The following CASP14 variants were observed in gnomAD, a reference collection of about 807,000 sequenced individuals.
The protein encoded by CASP14 is caspase-14.
Under a neutral mutation model 28.4 loss-of-function variants are expected in CASP14, and 27 were observed. The ratio of observed to expected loss-of-function variants is 0.95; its 90% confidence interval spans 0.70 to 1.31. The LOEUF is 1.31. CASP14 is among the 50% of genes most tolerant of loss of function. The pLI is 0.00. For missense variants in CASP14, 323 were observed against 312.8 expected (o/e 1.03, Z -0.25); for synonymous variants, 115 against 118.6 (o/e 0.97, Z 0.20).
Position 15,054,133 on chromosome 19 carries a change from C to T in CASP14, c.403+175C>T, listed in dbSNP as rs116233216. 4.6e-3 allele frequency among the ~76,000 whole-genome samples: 706 copies of T among 152,108 alleles called. 9 individuals carry two copies. Among genetic ancestry groups the T allele is most frequent in the African/African-American group, 0.016 (678 of 41,492 alleles). On this transcript the variant is annotated intron_variant, in intron 4 of 6. Transcript: ENST00000427043. ...CTGAGTAGCTGAGACTACAGGCTCC[C>T]GCCACTATGTCAGGCTAATTTTTGT...
chr19:15,052,714 T>G (rs191708243), intron 2 of CASP14, among the ~76,000 whole-genome samples: 2 of 152,270 alleles, frequency 1.3e-5, no homozygotes, highest in East Asian at 3.9e-4. Context: ...GAGGAGGTAA[T>G]AGAGGAATGC....
At chr19:15,050,635 T>C (rs767668120) in intron 1 of CASP14, among the ~76,000 whole-genome samples, 1 of 151,494 alleles carries the variant, frequency 6.6e-6, no homozygotes, top group Admixed American at 6.6e-5. Flanking sequence ...ATAGAATAGA[T>C]GGAGGGATGG....
intron 4 of CASP14, 76 bp downstream of exon 4, chr19:15,054,034 G>A: frequency 8.2e-7 from 1 of 1,219,794 alleles, no homozygotes; most frequent in Non-Finnish European, 1.2e-6. Flanking sequence ...ACCCAGGCTG[G>A]AATGCAGTGG....
At chr19:15,054,628 C>G (rs2145282894) in intron 4 of CASP14, among the ~76,000 whole-genome samples, 1 of 147,240 alleles carries the variant, frequency 6.8e-6, no homozygotes, top group East Asian at 2.0e-4. Flanking sequence ...CATGGCATAC[C>G]ACAAAAGCAT....
chr19:15,058,198 AG>A lies in CASP14; in HGVS notation c.*2111del, dbSNP rs2145286043. On this transcript the variant is annotated 3_prime_UTR_variant, in exon 7 of 7. Coordinates refer to ENST00000427043, the MANE Select transcript of CASP14 (RefSeq NM_012114.3). ...TCTGATTGATCCTTCCCTCTCACCC[AG>A]GATTAGATGCTGGAAATGACCACTT... The A allele has an allele frequency of 6.6e-6, 1 of 152,098 alleles. No individual in the cohort carries two copies. Among genetic ancestry groups the A allele is most frequent in the Non-Finnish European group, 1.5e-5 (1 of 68,014 alleles). The allele number at this position is 152,098 out of a possible 1,614,324, so 9.4% of individuals were successfully genotyped here.
intron 2 of CASP14, among the ~76,000 whole-genome samples, chr19:15,052,955 C>T (rs2046097842): frequency 6.6e-6 from 1 of 152,172 alleles, no homozygotes; most frequent in Non-Finnish European, 1.5e-5. Flanking sequence ...ATTTGAATTT[C>T]ACATCAACAA....
At chr19:15,050,631 T>C (rs2046086074) in intron 1 of CASP14, among the ~76,000 whole-genome samples, 2 of 151,126 alleles carry the variant, frequency 1.3e-5, no homozygotes, top group African/African-American at 4.9e-5. Context: ...GAAGATAGAA[T>C]AGATGGAGGG....
chr19:15,052,812 A>G (rs2046097009), intron 2 of CASP14, among the ~76,000 whole-genome samples: 1 of 149,088 alleles, frequency 6.7e-6, no homozygotes, highest in Non-Finnish European at 1.5e-5. Flanking sequence ...ACACACACTC[A>G]TTGTCTATAT....
rs1319150657 is a variant in CASP14, at chr19:15,056,935, G to A, written c.*846G>A. ...TGCAATACAGTAAGACAGAGGCAAGGACAAGGTTTGACTTCCAGCCCAGCC... is the reference window on the plus strand; with the variant it reads ...TGCAATACAGTAAGACAGAGGCAAGAACAAGGTTTGACTTCCAGCCCAGCC... On this transcript the variant is annotated 3_prime_UTR_variant, in exon 7 of 7. Transcript: ENST00000427043. 6.6e-6 allele frequency: 1 copy of A among 152,138 alleles called. No homozygotes were observed. Among genetic ancestry groups the A allele is most frequent in the Admixed American group, 6.5e-5 (1 of 15,274 alleles). The allele number at this position is 152,138 out of a possible 1,614,324, so 9.4% of individuals were successfully genotyped here. A position where few individuals can be genotyped will look rare whatever the true frequency, so the allele number is the denominator to read the frequency against.
chr19:15,055,945 G>T, intron 6 of CASP14, 40 bp from the exon 7 acceptor site: 4 of 1,528,380 alleles, frequency 2.6e-6, no homozygotes, highest in South Asian at 1.2e-5. Flanking sequence ...ATAAGTCCAT[G>T]ACACTGACTC....
In CASP14 at chr19:15,056,146, T is replaced by G; in HGVS notation, c.*57T>G. 7.2e-7 allele frequency: 1 copy of G among 1,386,146 alleles called. No individual in the cohort carries two copies. The highest frequency in any genetic ancestry group is 1.0e-6 in the Non-Finnish European group (1 of 998,510). The allele number at this position is 1,386,146 out of a possible 1,614,324, so 85.9% of individuals were successfully genotyped here. On this transcript the variant is annotated 3_prime_UTR_variant, in exon 7 of 7. Coordinates refer to ENST00000427043, the MANE Select transcript of CASP14 (RefSeq NM_012114.3). ...AGCATTCTTTCTGTCTCACAGAAAT[T>G]TAGAGGCAGCTCTTACCTCTCCCCA...
intron 1 of CASP14, among the ~76,000 whole-genome samples, chr19:15,051,704 C>A (rs567602898): frequency 6.6e-6 from 1 of 152,008 alleles, no homozygotes; most frequent in Non-Finnish European, 1.5e-5. Flanking sequence ...TTGACCCCTT[C>A]GTATTGGAGA....
At position 15,058,153 on chromosome 19, in the gene CASP14, A is replaced by AT. The variant is rs2046126352; in HGVS notation, c.*2064_*2065insT. The AT allele has an allele frequency of 6.6e-6, 1 of 151,882 alleles. No homozygotes were observed. Among genetic ancestry groups the AT allele is most frequent in the Non-Finnish European group, 1.5e-5 (1 of 68,000 alleles). The allele number at this position is 151,882 out of a possible 1,614,324, so 9.4% of individuals were successfully genotyped here. ...ACCTCCCACCCCTACTTTTTCCAGAAAGCCATTTCCTCTCTTTTTTCTGAT... is the reference window on the plus strand; with the variant it reads ...ACCTCCCACCCCTACTTTTTCCAGAATAGCCATTTCCTCTCTTTTTTCTGAT... On this transcript the variant is annotated 3_prime_UTR_variant, in exon 7 of 7. Coordinates refer to ENST00000427043, the MANE Select transcript of CASP14 (RefSeq NM_012114.3).
chr19:15,050,457 A>G (rs1017586650), intron 1 of CASP14, among the ~76,000 whole-genome samples: 2 of 146,840 alleles, frequency 1.4e-5, no homozygotes, highest in African/African-American at 5.0e-5. Flanking sequence ...GATACCCAGA[A>G]AATATTTGCT....
At chr19:15,054,853 C>A (rs2046108517) in intron 4 of CASP14, 3 of 254,668 alleles carry the variant, frequency 1.2e-5, no homozygotes, top group South Asian at 1.3e-4. Context: ...GTTGGTCAGG[C>A]TGGTCTCAAA....
At chr19:15,055,935 A>AT in intron 6 of CASP14, 50 bp from the exon 7 acceptor site, 1 of 1,461,286 alleles carries the variant, frequency 6.8e-7, no homozygotes, top group Non-Finnish European at 9.4e-7. Context: ...CCCTCCCCCC[A>AT]TAAGTCCATG....
chr19:15,053,653 G>T (rs2145281789), intron 3 of CASP14, 22 bp downstream of exon 3: 1 of 1,614,138 alleles, frequency 6.2e-7, no homozygotes, highest in East Asian at 2.2e-5. Flanking sequence ...CCTACTCCAG[G>T]CCTGTTTGGG....
chr19:15,049,669 C>CCTCT (rs57707199), intron 1 of CASP14, 24 bp downstream of exon 1: 2,619 of 126,490 alleles, frequency 0.021, 36 homozygotes, highest in Non-Finnish European at 0.028. Context: ...TGGATATTAG[C>CCTCT]CTCTCTCTCT....
chr19:15,055,459 G>T lies in CASP14; in HGVS notation c.550G>T (p.Gly184Cys). ...CATCGCCTACCGACATGATCAGAAA[G>T]GCTCATGCTTTATCCAGACCCTGGT... ...GYIAYRHDQK[G>C]SCFIQTLVDV... Residue 184 changes from glycine (G) to cysteine (C), a missense_variant, in exon 6 of 7, where the codon GGC becomes TGC. Coordinates refer to ENST00000427043, the MANE Select transcript of CASP14 (RefSeq NM_012114.3). 1 of 1,614,090 alleles carries T rather than the reference G, an allele frequency of 6.2e-7. No homozygotes were observed. The highest frequency in any genetic ancestry group is 8.5e-7 in the Non-Finnish European group (1 of 1,180,004).
Sources: gnomAD v4.1 joint callset for allele counts (sites outside exome capture counted in the v4.1 genomes callset) on GRCh38, gnomAD v4.1.1 for gene constraint, MANE v1.5 for transcripts, NCBI Gene and HGNC (gene_info 2026-07-23, HGNC 2026-07-21) for gene names.